CCDC73: variants seen among roughly 807,000 people sequenced by gnomAD.
CCDC73 encodes the protein coiled-coil domain-containing protein 73.
In CCDC73, 95 loss-of-function variants were observed where a neutral mutation model predicts 116.5. That is an observed-to-expected ratio of 0.82 (90% CI 0.69 to 0.97). CCDC73 has a LOEUF of 0.97. Among genes scored for constraint, CCDC73 ranks in the 50% least tolerant of loss-of-function variants. The pLI, the probability that CCDC73 is intolerant of heterozygous loss-of-function variation, is 0.00. For missense variants in CCDC73, 1,066 were observed against 1,206.8 expected, an observed-to-expected ratio of 0.88 and a Z score of 1.73; for synonymous variants, 398 against 401.3, an observed-to-expected ratio of 0.99 and a Z score of 0.10.
At chr11:32,798,147 G>A (rs905787793), upstream of CCDC73, among the ~76,000 whole-genome samples, 6 of 152,136 alleles carry the variant, frequency 3.9e-5, no homozygotes, top group African/African-American at 1.2e-4. Flanking sequence ...TTCAAAATCC[G>A]AAAACCCTGA....
chr11:32,691,209 C>T (rs892711829), intron 6 of CCDC73, among the ~76,000 whole-genome samples: 1 of 151,958 alleles, frequency 6.6e-6, no homozygotes, highest in African/African-American at 2.4e-5. Context: ...CACACCCCAT[C>T]AAATTTTTGT....
chr11:32,609,945 A>G (rs953674729), intron 17 of CCDC73, among the ~76,000 whole-genome samples: 2 of 104,766 alleles, frequency 1.9e-5, no homozygotes, highest in African/African-American at 9.3e-5. Context: ...AAGCCCAGCT[A>G]ATTTTTTTTT....
chr11:32,710,293 C>A (rs1038561022), intron 3 of CCDC73, among the ~76,000 whole-genome samples: 2 of 152,132 alleles, frequency 1.3e-5, no homozygotes, highest in African/African-American at 2.4e-5. Context: ...TGTATGTGCT[C>A]TTTCAGACTT....
chr11:32,696,722 C>T (rs1286963617), intron 6 of CCDC73, among the ~76,000 whole-genome samples: 3 of 152,006 alleles, frequency 2.0e-5, no homozygotes, highest in African/African-American at 7.2e-5. Flanking sequence ...CCACCATGCC[C>T]GGCCTCTTCT....
intron 2 of CCDC73, among the ~76,000 whole-genome samples, chr11:32,719,142 C>A (rs1182366499): frequency 6.6e-6 from 1 of 152,184 alleles, no homozygotes; most frequent in African/African-American, 2.4e-5. Flanking sequence ...AAGCAGGAAG[C>A]AGTCATTTAG....
the CCDC73 span, among the ~76,000 whole-genome samples, chr11:32,825,260 A>G: frequency 6.7e-6 from 1 of 148,602 alleles, no homozygotes; most frequent in Non-Finnish European, 1.5e-5. Flanking sequence ...TACCGACAAC[A>G]TTAACACTTC....
chr11:32,695,326 G>T (rs1277186216), intron 6 of CCDC73, among the ~76,000 whole-genome samples: 1 of 148,074 alleles, frequency 6.8e-6, no homozygotes, highest in East Asian at 2.0e-4. Context: ...CCGAGATCGC[G>T]CCACTGCACT....
chr11:32,739,172 G>GGATAGC (rs1850161633), intron 2 of CCDC73, among the ~76,000 whole-genome samples: 1 of 152,014 alleles, frequency 6.6e-6, no homozygotes, highest in Non-Finnish European at 1.5e-5. Context: ...GCTTTGGCTA[G>GGATAGC]TCTGGGTCTT....
intron 7 of CCDC73, among the ~76,000 whole-genome samples, chr11:32,678,237 C>T (rs1254880659): frequency 6.6e-6 from 1 of 151,218 alleles, no homozygotes; most frequent in Non-Finnish European, 1.5e-5. Context: ...TAAGATTGCA[C>T]CACTGCACTC....
chr11:32,733,671 C>G (rs560164332), intron 2 of CCDC73, among the ~76,000 whole-genome samples: 1 of 151,980 alleles, frequency 6.6e-6, no homozygotes, highest in Non-Finnish European at 1.5e-5. Flanking sequence ...GAATGACTAC[C>G]GGGTCCATAA....
chr11:32,655,130 T>C (rs967836882), intron 9 of CCDC73, among the ~76,000 whole-genome samples, 158 bp from the exon 10 acceptor site: 4 of 152,272 alleles, frequency 2.6e-5, no homozygotes, highest in Admixed American at 6.5e-5. Context: ...GGTGGGAACA[T>C]AATCTGCGGT....
chr11:32,710,494 T>C (rs1208155343), intron 3 of CCDC73, among the ~76,000 whole-genome samples: 2 of 152,334 alleles, frequency 1.3e-5, no homozygotes, highest in Non-Finnish European at 2.9e-5. Context: ...TGTATGGTTT[T>C]GAGGGTTCCT....
chr11:32,658,024 A>T (rs1261790264), intron 9 of CCDC73, among the ~76,000 whole-genome samples: 1 of 37,220 alleles, frequency 2.7e-5, no homozygotes, highest in Non-Finnish European at 5.5e-5. Context: ...TAGTCTCTTT[A>T]AAAAAAAAAA....
At chr11:32,751,295 G>A (rs1850285523) in intron 2 of CCDC73, among the ~76,000 whole-genome samples, 1 of 152,162 alleles carries the variant, frequency 6.6e-6, no homozygotes, top group African/African-American at 2.4e-5. Context: ...GGTGGCATAA[G>A]CACTCCCTTT....
chr11:32,709,122 G>A (rs1391062158), intron 3 of CCDC73, among the ~76,000 whole-genome samples: 1 of 152,090 alleles, frequency 6.6e-6, no homozygotes, highest in East Asian at 1.9e-4. Context: ...AGGGATGCTG[G>A]ATTTTGCCAA....
the CCDC73 span, among the ~76,000 whole-genome samples, chr11:32,807,544 C>G: frequency 6.6e-6 from 1 of 151,982 alleles, no homozygotes; most frequent in African/African-American, 2.4e-5. Flanking sequence ...TGAATGCAGC[C>G]CAACACAAAT....
At chr11:32,609,512 C>G (rs754165816) in intron 17 of CCDC73, among the ~76,000 whole-genome samples, 4 of 152,180 alleles carry the variant, frequency 2.6e-5, no homozygotes, top group Non-Finnish European at 5.9e-5. Flanking sequence ...CAACAAGTCT[C>G]TAGGGAGTTC....
chr11:32,681,404 T>C (rs1856142408), intron 7 of CCDC73: 1 of 152,020 alleles, frequency 6.6e-6, no homozygotes. Context: ...TGCATCCTTT[T>C]AATTGGTAAT....
chr11:32,739,285 A>G (rs1850162756), intron 2 of CCDC73, among the ~76,000 whole-genome samples: 2 of 152,166 alleles, frequency 1.3e-5, no homozygotes, highest in Non-Finnish European at 2.9e-5. Context: ...TGCTGTGGGT[A>G]GTATGGGCAT....
Sources: allele counts gnomAD v4.1 joint callset (sites outside exome capture counted in the v4.1 genomes callset), GRCh38; gene constraint gnomAD v4.1.1; transcripts MANE v1.5; gene names NCBI Gene and HGNC (gene_info 2026-07-23, HGNC 2026-07-21).